Variants in RNLS observed in about 807,000 individuals in gnomAD.
RNLS encodes renalase.
Under a neutral mutation model 39.8 loss-of-function variants are expected in RNLS, and 39 were observed. That is an observed-to-expected ratio of 0.98 (90% CI 0.76 to 1.28). The LOEUF (loss-of-function observed/expected upper bound fraction) is 1.28. RNLS is among the 50% of genes most tolerant of loss of function. The pLI is 0.00. For missense variants in RNLS, 410 were observed against 413.3 expected (o/e 0.99, Z 0.07); for synonymous variants, 147 against 150.7 (o/e 0.98, Z 0.18).
chr10:88,346,462 G>C (rs118062583), intron 5 of RNLS, among the ~76,000 whole-genome samples: 1 of 152,156 alleles, frequency 6.6e-6, no homozygotes, highest in Non-Finnish European at 1.5e-5. Context: ...TAATTGCGAA[G>C]AACTCACATA....
At chr10:88,483,064 G>C (rs1206767963) in intron 4 of RNLS, among the ~76,000 whole-genome samples, 1 of 151,854 alleles carries the variant, frequency 6.6e-6, no homozygotes, top group East Asian at 1.9e-4. Context: ...ATTCCTACAG[G>C]TTACCCTTCT....
intron 5 of RNLS, among the ~76,000 whole-genome samples, chr10:88,330,327 C>T (rs1157248576): frequency 2.6e-5 from 4 of 151,890 alleles, no homozygotes; most frequent in Non-Finnish European, 5.9e-5. Context: ...TGCCCATGAC[C>T]ACTTTAACTA....
chr10:88,448,872 C>T (rs1842198129), intron 4 of RNLS, among the ~76,000 whole-genome samples: 1 of 152,090 alleles, frequency 6.6e-6, no homozygotes, highest in East Asian at 1.9e-4. Flanking sequence ...AAGCTGGAAA[C>T]CATCAATCTC....
chr10:88,319,312 C>T (rs149218396), intron 5 of RNLS, among the ~76,000 whole-genome samples: 2 of 152,084 alleles, frequency 1.3e-5, no homozygotes, highest in South Asian at 2.1e-4. Flanking sequence ...AAAAAATAAA[C>T]GTGACAGATC....
intron 4 of RNLS, among the ~76,000 whole-genome samples, chr10:88,446,140 A>G (rs1430991400): frequency 6.6e-6 from 1 of 152,250 alleles, no homozygotes; most frequent in East Asian, 1.9e-4. Flanking sequence ...CAATCAAACT[A>G]GAACTCAGGA....
chr10:88,348,623 T>G (rs1346848243), intron 5 of RNLS, among the ~76,000 whole-genome samples: 2 of 152,204 alleles, frequency 1.3e-5, no homozygotes, highest in Admixed American at 1.3e-4. Flanking sequence ...CTTAACCTTT[T>G]GCTATTTCTT....
chr10:88,499,424 T>G (rs1250852090), intron 4 of RNLS, among the ~76,000 whole-genome samples: 1 of 152,108 alleles, frequency 6.6e-6, no homozygotes, highest in East Asian at 1.9e-4. Context: ...CCCAGCTCCC[T>G]CCAAACAACC....
intron 4 of RNLS, among the ~76,000 whole-genome samples, chr10:88,459,429 G>A: frequency 6.6e-6 from 1 of 152,102 alleles, no homozygotes; most frequent in Non-Finnish European, 1.5e-5. Context: ...GAGAAAGAGA[G>A]TAAATTCATT....
At chr10:88,325,678 C>T (rs1846547992) in intron 5 of RNLS, among the ~76,000 whole-genome samples, 1 of 152,218 alleles carries the variant, frequency 6.6e-6, no homozygotes, top group South Asian at 2.1e-4. Flanking sequence ...CATCCAACTA[C>T]ATGCTGCTTA....
At chr10:88,309,298 A>C (rs1240023699) in intron 6 of RNLS, 6 of 832,454 alleles carry the variant, frequency 7.2e-6, no homozygotes, top group Non-Finnish European at 1.0e-5. Context: ...AGGAAAAGAA[A>C]AAGAAAATGC....
At chr10:88,424,645 C>T (rs1391486174) in intron 4 of RNLS, among the ~76,000 whole-genome samples, 2 of 152,016 alleles carry the variant, frequency 1.3e-5, no homozygotes, top group African/African-American at 4.8e-5. Flanking sequence ...CAATCAAAGG[C>T]AAATGTCAAT....
Position 88,467,837 on chromosome 10 carries a change from T to G in RNLS, c.526+105066A>C, listed in dbSNP as rs896781955. Among the ~76,000 whole-genome samples the G allele has an allele frequency of 4.6e-5, 7 of 152,218 alleles. 1 individual carries two copies. Among genetic ancestry groups the G allele is most frequent in the African/African-American group, 9.6e-5 (4 of 41,552 alleles). On this transcript the variant is annotated intron_variant, in intron 4 of 6. Transcript: ENST00000331772. Reference sequence around the variant, plus strand: ...ATGGACCAGCAACATCAGCAACACGTGGAGGCTTATTAGAAAGGTAGAATC... The same window carrying G: ...ATGGACCAGCAACATCAGCAACACGGGGAGGCTTATTAGAAAGGTAGAATC...
chr10:88,172,778 A>ATGTTT, the RNLS span, among the ~76,000 whole-genome samples: 1 of 116,158 alleles, frequency 8.6e-6, no homozygotes, highest in East Asian at 2.8e-4. Context: ...CATGTCTCCT[A>ATGTTT]TGTTTTCTTC....
At chr10:88,530,846 G>T (rs1468790350) in intron 4 of RNLS, among the ~76,000 whole-genome samples, 2 of 151,936 alleles carry the variant, frequency 1.3e-5, no homozygotes, top group East Asian at 3.8e-4. Flanking sequence ...AAAAGCTTTC[G>T]CCTAATAAAT....
At chr10:88,542,553 T>C (rs573113854) in intron 4 of RNLS, among the ~76,000 whole-genome samples, 5 of 152,254 alleles carry the variant, frequency 3.3e-5, no homozygotes, top group African/African-American at 7.2e-5. Context: ...AAAGGTTAAA[T>C]GATTAATTTG....
intron 4 of RNLS, among the ~76,000 whole-genome samples, chr10:88,489,836 G>A (rs916565244): frequency 6.6e-6 from 1 of 152,140 alleles, no homozygotes; most frequent in Admixed American, 6.6e-5. Flanking sequence ...AGGCATTCAG[G>A]CTGTAATTTT....
chr10:88,234,913 G>A, the RNLS span, among the ~76,000 whole-genome samples: 43 of 152,244 alleles, frequency 2.8e-4, no homozygotes, highest in South Asian at 8.5e-3. Context: ...ATTAGGGTGG[G>A]TATGGAGGGG....
chr10:88,335,201 G>T (rs1847392740), intron 5 of RNLS, among the ~76,000 whole-genome samples: 1 of 150,868 alleles, frequency 6.6e-6, no homozygotes, highest in African/African-American at 2.4e-5. Context: ...TTTGATTTGA[G>T]CTTTCTTTTC....
Position 88,336,793 on chromosome 10 carries a change from C to A in RNLS, c.701-22152G>T, listed in dbSNP as rs575153856. On this transcript the variant is annotated intron_variant, in intron 5 of 6. Coordinates refer to ENST00000331772, the MANE Select transcript of RNLS (RefSeq NM_001031709.3). Reference sequence around the variant, plus strand: ...GAGGCTATGGGACAGGGTAGGAAGGCAAGAGCTGGGGCTGGGTTGGGCAAC... The same window carrying A: ...GAGGCTATGGGACAGGGTAGGAAGGAAAGAGCTGGGGCTGGGTTGGGCAAC... 8.5e-5 allele frequency among the ~76,000 whole-genome samples: 13 copies of A among 152,220 alleles called. No homozygotes were observed. In the East Asian group the frequency reaches 2.5e-3, roughly 29 times the overall value.
Sources: allele counts gnomAD v4.1 joint callset (sites outside exome capture counted in the v4.1 genomes callset), GRCh38; gene constraint gnomAD v4.1.1; transcripts MANE v1.5; gene names NCBI Gene and HGNC (gene_info 2026-07-23, HGNC 2026-07-21).